CDKL3: variants seen among roughly 807,000 people sequenced by gnomAD.
CDKL3 encodes the protein cyclin dependent kinase like 3.
CDKL3 carries 65 observed loss-of-function variants against 69.3 expected under a neutral mutation model. That is an observed-to-expected ratio of 0.94 (90% CI 0.77 to 1.15). The LOEUF is 1.15. CDKL3 is among the 50% of genes most tolerant of loss of function. The pLI is 0.00. For synonymous variants in CDKL3, 202 were observed against 221.6 expected (o/e 0.91, Z 0.79); for missense variants, 652 against 689.2 (o/e 0.95, Z 0.61).
chr5:134,327,136 G>A (rs1042385604), intron 4 of CDKL3, among the ~76,000 whole-genome samples: 1 of 151,956 alleles, frequency 6.6e-6, no homozygotes, highest in South Asian at 2.1e-4. Flanking sequence ...TGTTGCTGAG[G>A]CTAAGTTCTG....
At chr5:134,326,645 A>C (rs1483424004) in intron 4 of CDKL3, among the ~76,000 whole-genome samples, 2 of 151,320 alleles carry the variant, frequency 1.3e-5, no homozygotes, top group Non-Finnish European at 2.9e-5. Context: ...GAAACTAGTA[A>C]ATTTTTTTTT....
intron 5 of CDKL3, among the ~76,000 whole-genome samples, chr5:134,319,923 A>G (rs1772281180): frequency 6.6e-6 from 1 of 152,238 alleles, no homozygotes; most frequent in Non-Finnish European, 1.5e-5. Context: ...AAATATTGCA[A>G]AAAAAGAAAC....
intron 6 of CDKL3, among the ~76,000 whole-genome samples, chr5:134,316,375 G>A (rs992542443): frequency 4.6e-5 from 7 of 152,172 alleles, no homozygotes; most frequent in African/African-American, 9.7e-5. Flanking sequence ...CAAGGCAGGT[G>A]GATCACAAGG....
chr5:134,289,163 TAAAAAA>T (rs34873718), intron 8 of CDKL3, among the ~76,000 whole-genome samples: 2 of 80,318 alleles, frequency 2.5e-5, no homozygotes, highest in Non-Finnish European at 5.5e-5. Context: ...CCCTGTCTCA[TAAAAAA>T]AAAAAAAAAA....
At chr5:134,353,034 C>T (rs2149610944) in intron 3 of CDKL3, among the ~76,000 whole-genome samples, 1 of 152,228 alleles carries the variant, frequency 6.6e-6, no homozygotes, top group South Asian at 2.1e-4. Context: ...ACGTTTTCTT[C>T]TAGTAGTTTA....
intron 11 of CDKL3, 136 bp downstream of exon 11, chr5:134,304,269 A>G (rs1275467843): frequency 2.9e-6 from 2 of 683,376 alleles, no homozygotes; most frequent in African/African-American, 3.7e-5. Flanking sequence ...TGGGGAGAAA[A>G]TCTCATCAGC....
intron 6 of CDKL3, 41 bp from the exon 7 acceptor site, chr5:134,312,421 G>C: frequency 9.5e-7 from 1 of 1,050,146 alleles, no homozygotes; most frequent in Non-Finnish European, 1.4e-6. Flanking sequence ...GCTCTCAACA[G>C]GGCTCCATAT....
chr5:134,323,050 T>C (rs1177945672), intron 4 of CDKL3, among the ~76,000 whole-genome samples: 1 of 151,686 alleles, frequency 6.6e-6, no homozygotes, highest in African/African-American at 2.4e-5. Context: ...CAAGATAAAC[T>C]GTCAAGTGAA....
chr5:134,363,448 C>A (rs1756547309), intron 2 of CDKL3, among the ~76,000 whole-genome samples: 1 of 149,126 alleles, frequency 6.7e-6, no homozygotes, highest in South Asian at 2.1e-4. Flanking sequence ...CCCCTGCCAC[C>A]ATGGCCGGCT....
intron 4 of CDKL3, among the ~76,000 whole-genome samples, chr5:134,345,810 C>T (rs1052181375): frequency 2.0e-5 from 3 of 152,116 alleles, no homozygotes; most frequent in Non-Finnish European, 4.4e-5. Flanking sequence ...TGGATGTATC[C>T]GTGCAGGTCA....
chr5:134,371,584 CA>C (rs747526374), upstream of CDKL3: 1 of 1,612,206 alleles, frequency 6.2e-7, no homozygotes, highest in South Asian at 1.1e-5. Flanking sequence ...GACCGCGGGG[CA>C]GCTGCGGAGC....
In CDKL3 at chr5:134,308,223, A is replaced by G; in HGVS notation, c.1279T>C (p.Ser427Pro). Residue 427 changes from serine (S) to proline (P), a missense_variant, in exon 9 of 13, where the codon TCT becomes CCT. Ser to Pro is a moderately conservative substitution (Grantham distance 74). Coordinates refer to ENST00000265334, the MANE Select transcript of CDKL3 (RefSeq NM_001113575.2). ...GLKENPHCGG[S>P]VTMPPINLTN... Reference sequence around the variant, plus strand: ...AGATTGATGGGTGGCATTGTCACAGAACCTCCGCAATGTGGATTTTCTTTC... The same window carrying G: ...AGATTGATGGGTGGCATTGTCACAGGACCTCCGCAATGTGGATTTTCTTTC... The G allele has an allele frequency of 1.2e-6, 2 of 1,614,000 alleles. No individual in the cohort carries two copies. The highest frequency in any genetic ancestry group is 1.1e-5 in the South Asian group (1 of 91,084).
rs112465389 is a variant in CDKL3 at position 134,343,401 on chromosome 5, G to A, written c.539+6848C>T. Among the ~76,000 whole-genome samples the A allele has an allele frequency of 1.0e-3, 158 of 152,262 alleles. 1 individual carries two copies. The highest frequency in any genetic ancestry group is 1.5e-3 in the Non-Finnish European group (101 of 68,018). On this transcript the variant is annotated intron_variant, in intron 4 of 12. Coordinates refer to ENST00000265334, the MANE Select transcript of CDKL3 (RefSeq NM_001113575.2). Reference sequence around the variant, plus strand: ...AAGCTGTCCTCGTTCATTCCTGGGCGTAGGCTGGACTAACTTCAGGAGAAA... The same window carrying A: ...AAGCTGTCCTCGTTCATTCCTGGGCATAGGCTGGACTAACTTCAGGAGAAA...
intron 6 of CDKL3, 138 bp downstream of exon 6, chr5:134,319,220 A>G (rs1772060408): frequency 1.7e-6 from 1 of 590,578 alleles, no homozygotes; most frequent in Non-Finnish European, 2.7e-6. Flanking sequence ...AATCCCAACT[A>G]CTCGGAAGGC....
chr5:134,363,968 AAAAAAAAAAAG>A (rs1756712749), intron 2 of CDKL3, among the ~76,000 whole-genome samples: 1 of 147,216 alleles, frequency 6.8e-6, no homozygotes, highest in African/African-American at 2.6e-5. Flanking sequence ...AAAAAAAAAA[AAAAAAAAAAAG>A]AGAGAGAAAG....
chr5:134,308,714 G>GT lies in CDKL3; in HGVS notation c.894dup (p.Leu299ThrfsTer4), dbSNP rs1183424673. 6.3e-7 allele frequency: 1 copy of GT among 1,591,234 alleles called. No individual in the cohort carries two copies. Among genetic ancestry groups the GT allele is most frequent in the Admixed American group, 1.9e-5 (1 of 52,840 alleles). On this transcript the variant is annotated frameshift_variant, in exon 8 of 13. Transcript: ENST00000265334. LOFTEE classifies it high-confidence loss of function. ...GCTTCCTGCAGTAATTTAGCTTTCA[G>GT]TTCTGGCATGAATCTGACAAAACAA...
chr5:134,312,454 C>T (rs1046579354), intron 6 of CDKL3, 74 bp from the exon 7 acceptor site: 33 of 791,124 alleles, frequency 4.2e-5, no homozygotes, highest in Non-Finnish European at 6.6e-5. Flanking sequence ...ATTTATTTGA[C>T]AAATTAAGAA....
At chr5:134,338,074 G>A (rs1777544651) in intron 4 of CDKL3, among the ~76,000 whole-genome samples, 1 of 151,934 alleles carries the variant, frequency 6.6e-6, no homozygotes, top group African/African-American at 2.4e-5. Context: ...TACATTATTG[G>A]GCCTATAACA....
downstream of CDKL3, among the ~76,000 whole-genome samples, chr5:134,297,626 G>C (rs1209946605): frequency 2.0e-5 from 3 of 150,620 alleles, no homozygotes; most frequent in African/African-American, 7.3e-5. Flanking sequence ...TCGTTGCCCA[G>C]GCTGGAGTGC....
Sources: gnomAD v4.1 joint callset for allele counts (sites outside exome capture counted in the v4.1 genomes callset) on GRCh38, gnomAD v4.1.1 for gene constraint, MANE v1.5 for transcripts, NCBI Gene and HGNC (gene_info 2026-07-23, HGNC 2026-07-21) for gene names.